FAT4: variants seen among roughly 807,000 people sequenced by gnomAD.
FAT4 encodes the protein FAT atypical cadherin 4.
Under a neutral mutation model 303.9 loss-of-function variants are expected in FAT4, and 84 were observed. The observed-to-expected ratio is 0.28, with a 90% CI of 0.23 to 0.33. The LOEUF is 0.33. Among genes scored for constraint, FAT4 ranks in the 10% least tolerant of loss-of-function variants. The probability of loss-of-function intolerance (pLI) is 1.00; values close to 1 mark genes in which losing one functional copy is unlikely to be tolerated. For missense variants in FAT4, 6,005 were observed against 6,146.8 expected (o/e 0.98, Z 0.77); for synonymous variants, 2,307 against 2,298.8 (o/e 1.00, Z -0.10).
At chr4:125,374,287 T>G (rs954030059) in intron 2 of FAT4, among the ~76,000 whole-genome samples, 1 of 152,184 alleles carries the variant, frequency 6.6e-6, no homozygotes, top group Non-Finnish European at 1.5e-5. Flanking sequence ...CGTAATCACA[T>G]TTGGATATCT....
rs1730871535 is a variant in FAT4 at position 125,320,151 on chromosome 4, A to G, written c.3740A>G (p.Tyr1247Cys). The G allele has an allele frequency of 1.2e-6, 2 of 1,614,050 alleles. No homozygotes were observed. Among genetic ancestry groups the G allele is most frequent in the Admixed American group, 1.7e-5 (1 of 60,022 alleles). The change falls in exon 2 of 18, where the codon TAT (tyrosine) becomes TGT (cysteine). Residue 1247 changes from tyrosine (Y) to cysteine (C), a missense_variant. Transcript: ENST00000394329. Reference protein sequence around the residue: ...VDEGNNGLIHYSIIKGNEERQ... With the variant: ...VDEGNNGLIHCSIIKGNEERQ... ...GAAGGTAATAATGGACTTATTCACT[A>G]TTCTATAATAAAAGGAAATGAAGAA...
At position 125,331,498 on chromosome 4, in the gene FAT4, T is replaced by C. The variant is rs146037896; in HGVS notation, c.5175+9912T>C. ...TACATGACTTGATTGGCTAAGAACG[T>C]GTAACCCAAACTTCAGAAACATTTA... On this transcript the variant is annotated intron_variant, in intron 2 of 17. Coordinates refer to ENST00000394329, the MANE Select transcript of FAT4 (RefSeq NM_001291303.3). Among the ~76,000 whole-genome samples, 315 of 152,312 alleles carry C rather than the reference T, an allele frequency of 2.1e-3. 1 individual carries two copies. Among genetic ancestry groups the C allele is most frequent in the African/African-American group, 7.1e-3 (297 of 41,574 alleles).
chr4:125,482,146 A>C (rs928021721), intron 16 of FAT4, among the ~76,000 whole-genome samples: 7 of 152,248 alleles, frequency 4.6e-5, no homozygotes, highest in Non-Finnish European at 1.0e-4. Flanking sequence ...GTATATGTCA[A>C]TTGACAGGAT....
chr4:125,456,747 A>G (rs1726294546), intron 10 of FAT4, among the ~76,000 whole-genome samples: 1 of 152,188 alleles, frequency 6.6e-6, no homozygotes, highest in Non-Finnish European at 1.5e-5. Context: ...GACAGAGCTA[A>G]TATACCAAAA....
intron 2 of FAT4, among the ~76,000 whole-genome samples, chr4:125,345,621 T>C (rs1206826800): frequency 6.6e-6 from 1 of 152,094 alleles, no homozygotes; most frequent in Non-Finnish European, 1.5e-5. Flanking sequence ...CTGGCATGTA[T>C]TATTTATGCA....
At chr4:125,471,469 G>A (rs947298942) in intron 12 of FAT4, among the ~76,000 whole-genome samples, 1 of 152,082 alleles carries the variant, frequency 6.6e-6, no homozygotes, top group African/African-American at 2.4e-5. Context: ...TTATTATGTG[G>A]CTTTCATGTT....
At chr4:125,446,147 A>G (rs1426866918) in intron 8 of FAT4, 146 bp from the exon 9 acceptor site, 7 of 638,262 alleles carry the variant, frequency 1.1e-5, no homozygotes, top group Non-Finnish European at 1.8e-5. Context: ...TTTATTAGCT[A>G]GACTAGTTGT....
rs1212647138 is a variant in FAT4, at chr4:125,490,422, G to A, written c.13606G>A (p.Ala4536Thr). Residue 4536 changes from alanine to threonine, a missense_variant, in exon 18 of 18, where the codon GCC becomes ACC. Physicochemically the swap from Ala to Thr is moderately conservative, Grantham distance 58. Coordinates refer to ENST00000394329, the MANE Select transcript of FAT4 (RefSeq NM_001291303.3). ...ILCNQCRGKK[A>T]KNPKEEKKPK... ...GTGTAACCAGTGCAGGGGGAAGAAG[G>A]CCAAAAATCCCAAAGAGGAGAAGAA... The A allele has an allele frequency of 3.7e-6, 6 of 1,614,074 alleles. No homozygotes were observed. Among genetic ancestry groups the A allele is most frequent in the Non-Finnish European group, 4.2e-6 (5 of 1,180,032 alleles).
Position 125,415,085 on chromosome 4 carries a change from T to G in FAT4, c.6122T>G (p.Leu2041Trp). ...AGCACTGCTCAAGTCTCCATTATTT[T>G]GTTGGATGTAAATGATAACCCACCG... is the stretch of plus-strand genomic sequence containing the variant. ...FTSTAQVSII[L>W]LDVNDNPPTF... Residue 2041 changes from leucine (L) to tryptophan (W), a missense_variant, in exon 6 of 18, where the codon TTG (leucine) becomes TGG (tryptophan). Transcript: ENST00000394329. The G allele has an allele frequency of 6.2e-7, 1 of 1,614,048 alleles. No individual in the cohort carries two copies.
At chr4:125,433,695 C>T (rs556257957) in intron 7 of FAT4, among the ~76,000 whole-genome samples, 6 of 152,296 alleles carry the variant, frequency 3.9e-5, no homozygotes, top group Admixed American at 2.0e-4. Flanking sequence ...TATTCTAGCA[C>T]GTAGAAGATA....
At chr4:125,386,255 C>T (rs974243) in intron 2 of FAT4, among the ~76,000 whole-genome samples, 24,180 of 152,006 alleles carry the variant, frequency 0.16, 2,432 homozygotes, top group African/African-American at 0.3. Flanking sequence ...AGAAAAGAAG[C>T]AGGCTTTCTG....
At chr4:125,425,867 T>A (rs1318204935) in intron 7 of FAT4, among the ~76,000 whole-genome samples, 1 of 152,114 alleles carries the variant, frequency 6.6e-6, no homozygotes, top group African/African-American at 2.4e-5. Context: ...TGTGTCAGCA[T>A]AAATAGTAGG....
chr4:125,348,175 C>G (rs1732078675), intron 2 of FAT4, among the ~76,000 whole-genome samples: 1 of 151,690 alleles, frequency 6.6e-6, no homozygotes, highest in South Asian at 2.1e-4. Context: ...TATTGTGTGT[C>G]CTAATTAGTT....
intron 3 of FAT4, among the ~76,000 whole-genome samples, chr4:125,403,468 TC>T (rs1734466580): frequency 6.6e-6 from 1 of 152,122 alleles, no homozygotes; most frequent in South Asian, 2.1e-4. Flanking sequence ...TTTTTCCCAT[TC>T]CTTCACCATC....
chr4:125,447,639 T>A (rs1725870813), intron 9 of FAT4, among the ~76,000 whole-genome samples: 2 of 152,134 alleles, frequency 1.3e-5, no homozygotes, highest in Admixed American at 1.3e-4. Context: ...ATTTTACTTT[T>A]GTTACCGTTT....
chr4:125,370,084 A>G (rs1024928955), intron 2 of FAT4, among the ~76,000 whole-genome samples: 1 of 151,802 alleles, frequency 6.6e-6, no homozygotes, highest in Non-Finnish European at 1.5e-5. Flanking sequence ...CACGTTTGTT[A>G]TAAAGGCAGA....
At chr4:125,420,997 C>G (rs772770262) in intron 7 of FAT4, among the ~76,000 whole-genome samples, 1 of 152,202 alleles carries the variant, frequency 6.6e-6, no homozygotes, top group Non-Finnish European at 1.5e-5. Context: ...GTGGCATGAT[C>G]TTGGCTCACT....
In FAT4 at chr4:125,450,367, T is replaced by C. The variant is rs781053912; in HGVS notation, c.9357T>C (p.Asp3119=). The C allele has an allele frequency of 1.2e-6, 2 of 1,614,106 alleles. No individual in the cohort carries two copies. Among genetic ancestry groups the C allele is most frequent in the East Asian group, 2.2e-5 (1 of 44,872 alleles). The change falls in exon 10 of 18, where the codon GAT becomes GAC. Residue 3119 remains aspartate, a synonymous_variant. Coordinates refer to ENST00000394329, the MANE Select transcript of FAT4 (RefSeq NM_001291303.3). ...IVRTVSARDR[D]AAMNGLIKYS... The stretch of plus-strand genomic sequence containing the variant: ...GAACTGTTTCTGCAAGAGATAGAGA[T>C]GCAGCGATGAATGGCTTGATTAAGT...
At chr4:125,402,882 G>C (rs2126016105) in intron 3 of FAT4, among the ~76,000 whole-genome samples, 1 of 151,942 alleles carries the variant, frequency 6.6e-6, no homozygotes, top group Admixed American at 6.6e-5. Flanking sequence ...ATTTGTTTTA[G>C]GTAAGTATAT....
Sources: allele counts gnomAD v4.1 joint callset (sites outside exome capture counted in the v4.1 genomes callset), GRCh38; gene constraint gnomAD v4.1.1; transcripts MANE v1.5; gene names NCBI Gene and HGNC (gene_info 2026-07-23, HGNC 2026-07-21).